OR10R2: variants seen among roughly 807,000 people sequenced by gnomAD.
OR10R2 encodes the protein olfactory receptor 10R2.
Under a neutral mutation model 2.4 loss-of-function variants are expected in OR10R2, and 1 was observed. The observed-to-expected ratio is 0.41, with a 90% CI of 0.15 to 1.95. The LOEUF is 1.95. Ranked by LOEUF, OR10R2 falls within the 30% of genes most tolerant of loss-of-function variation. The pLI is 0.30. For synonymous variants in OR10R2, 166 were observed against 144.8 expected (o/e 1.15, Z -1.05); for missense variants, 419 against 373.0 (o/e 1.12, Z -1.01).
At chr1:158,480,097 A>G (rs1334647166) in exon 2 of OR10R2, 1 of 1,613,860 alleles carries the variant, frequency 6.2e-7, no homozygotes, top group Admixed American at 1.7e-5. Flanking sequence ...CCTGGATAAA[A>G]GCCTCCACAC....
exon 2 of OR10R2, chr1:158,480,620 T>C: frequency 9.9e-6 from 16 of 1,613,842 alleles, no homozygotes; most frequent in Non-Finnish European, 1.3e-5. Flanking sequence ...ATCCTGAAGA[T>C]TCCCTCAGCT....
intron 1 of OR10R2, chr1:158,474,776 T>C (rs567701313): frequency 6.6e-5 from 10 of 152,338 alleles, no homozygotes; most frequent in Admixed American, 6.5e-4. Flanking sequence ...AGACTGGGTA[T>C]GCTTTATTTT....
At chr1:158,475,193 C>T (rs962148962) in intron 1 of OR10R2, among the ~76,000 whole-genome samples, 1 of 152,098 alleles carries the variant, frequency 6.6e-6, no homozygotes, top group Admixed American at 6.6e-5. Context: ...ACACAATAAT[C>T]CTGCCTTTCT....
intron 1 of OR10R2, among the ~76,000 whole-genome samples, chr1:158,479,713 G>A (rs1656343210): frequency 6.6e-6 from 1 of 152,006 alleles, no homozygotes; most frequent in Admixed American, 6.6e-5. Flanking sequence ...CTTAAAATTG[G>A]GAGAGAGAAT....
intron 1 of OR10R2, among the ~76,000 whole-genome samples, chr1:158,472,865 G>A (rs1230042136): frequency 1.3e-5 from 2 of 152,114 alleles, no homozygotes; most frequent in Non-Finnish European, 2.9e-5. Flanking sequence ...TCTTAAGAAG[G>A]AATGAAGGAA....
chr1:158,474,947 A>T (rs1330288748), intron 1 of OR10R2, among the ~76,000 whole-genome samples: 1 of 152,144 alleles, frequency 6.6e-6, no homozygotes, highest in Non-Finnish European at 1.5e-5. Context: ...GCAAAAAAAA[A>T]TTAATAATAG....
intron 1 of OR10R2, among the ~76,000 whole-genome samples, chr1:158,478,643 T>A (rs990954897): frequency 1.3e-5 from 2 of 152,162 alleles, no homozygotes; most frequent in African/African-American, 4.8e-5. Context: ...AGTTTATGTA[T>A]CAGAATTCAA....
chr1:158,480,658 T>G, exon 2 of OR10R2: 1 of 1,613,962 alleles, frequency 6.2e-7, no homozygotes, highest in African/African-American at 1.3e-5. Context: ...GTTTTCCACC[T>G]GCGCCTCTCA....
At chr1:158,474,938 C>CA (rs1048897465) in intron 1 of OR10R2, among the ~76,000 whole-genome samples, 7 of 150,018 alleles carry the variant, frequency 4.7e-5, no homozygotes, top group Admixed American at 1.3e-4. Context: ...AAGAGACCAG[C>CA]AAAAAAAAAT....
Position 158,480,680 on chromosome 1 carries a change from T to C in OR10R2, c.770T>C (p.Val257Ala), listed in dbSNP as rs762581513. The change falls in exon 2 of 2, where the codon GTT becomes GCT. Residue 257 changes from valine to alanine, a missense_variant. Physicochemically the swap from Val to Ala is moderately conservative, Grantham distance 64 (BLOSUM62 0). Transcript: ENST00000641067. ...ACCTGCGCCTCTCACCTCAGTGTTG[T>C]TATTGTTCATTATGGCTGTGCTTCC... The C allele has an allele frequency of 1.2e-6, 2 of 1,613,664 alleles. No individual in the cohort carries two copies. The highest frequency in any genetic ancestry group is 1.1e-5 in the South Asian group (1 of 91,036).
intron 1 of OR10R2, among the ~76,000 whole-genome samples, chr1:158,472,754 G>A (rs1296752603): frequency 6.6e-6 from 1 of 152,116 alleles, no homozygotes; most frequent in African/African-American, 2.4e-5. Context: ...AAAGTAGCTG[G>A]ATGGGCAGAT....
At chr1:158,476,796 C>T (rs1054045507) in intron 1 of OR10R2, among the ~76,000 whole-genome samples, 2 of 151,976 alleles carry the variant, frequency 1.3e-5, no homozygotes, top group Non-Finnish European at 2.9e-5. Flanking sequence ...AATGGTATCT[C>T]ATTGTGGTTT....
In OR10R2 at chr1:158,478,292, A is replaced by G. The variant is rs192030248; in HGVS notation, c.28-1646A>G. ...TCCCAAAAGCAATTGTAGCAAAAAC[A>G]AAAATTCATAAGTGGGAGCTAATTA... On this transcript the variant is annotated intron_variant, in intron 1 of 1. Transcript: ENST00000641067. Among the ~76,000 whole-genome samples the G allele has an allele frequency of 2.4e-3, 362 of 152,310 alleles. 1 individual carries two copies. The highest frequency in any genetic ancestry group is 8.2e-3 in the African/African-American group (340 of 41,578).
At chr1:158,479,608 C>T (rs1166727709) in intron 1 of OR10R2, among the ~76,000 whole-genome samples, 2 of 151,946 alleles carry the variant, frequency 1.3e-5, no homozygotes, top group African/African-American at 4.8e-5. Flanking sequence ...TATACAAGCT[C>T]AAGGAATTAA....
At chr1:158,480,420 T>C (rs767878949) in exon 2 of OR10R2, 3 of 1,613,948 alleles carry the variant, frequency 1.9e-6, no homozygotes, top group Admixed American at 3.3e-5. Context: ...CAGTAGTAAA[T>C]TTAGTTTTCA....
chr1:158,472,273 T>C (rs1361023508), exon 1 of OR10R2: 2 of 398,830 alleles, frequency 5.0e-6, no homozygotes, highest in Non-Finnish European at 8.8e-6. Context: ...AAAAAGCTCC[T>C]TAATTATACT....
chr1:158,480,700 GCTTC>G lies in OR10R2; in HGVS notation c.795_798del (p.Phe266SerfsTer3), dbSNP rs1226428745. On this transcript the variant is annotated frameshift_variant, in exon 2 of 2. Transcript: ENST00000641067. LOFTEE classifies it low-confidence loss of function (END_TRUNC). Reference sequence around the variant, plus strand: ...TGTTGTTATTGTTCATTATGGCTGTGCTTCCTTCATCTACCTGAGGCCTACAGCA... The same window carrying G: ...TGTTGTTATTGTTCATTATGGCTGTGCTTCATCTACCTGAGGCCTACAGCA... 6.2e-7 allele frequency: 1 copy of G among 1,613,330 alleles called. No individual in the cohort carries two copies. The highest frequency in any genetic ancestry group is 8.5e-7 in the Non-Finnish European group (1 of 1,179,574).
At chr1:158,473,449 T>A (rs1034095964) in intron 1 of OR10R2, among the ~76,000 whole-genome samples, 2 of 152,174 alleles carry the variant, frequency 1.3e-5, no homozygotes, top group Non-Finnish European at 2.9e-5. Context: ...AAATAATGTG[T>A]CTCAGATTTA....
chr1:158,480,641 G>A lies in OR10R2; in HGVS notation c.731G>A (p.Arg244Gln), dbSNP rs199742683. ...AAGATTCCCTCAGCTGAGGGCAGAC[G>A]GAAAGCGTTTTCCACCTGCGCCTCT... Residue 244 changes from arginine (R) to glutamine (Q), a missense_variant, in exon 2 of 2, where the codon CGG becomes CAG. By Grantham distance (43) the Arg-to-Gln change is conservative. Coordinates refer to ENST00000641067, the Ensembl canonical transcript of OR10R2. 203 of 1,613,792 alleles carry A rather than the reference G, an allele frequency of 1.3e-4. No homozygotes were observed. The highest frequency in any genetic ancestry group is 1.6e-4 in the Non-Finnish European group (186 of 1,179,920).
Sources: allele counts gnomAD v4.1 joint callset (sites outside exome capture counted in the v4.1 genomes callset), GRCh38; gene constraint gnomAD v4.1.1; transcripts MANE v1.5; gene names NCBI Gene and HGNC (gene_info 2026-07-23, HGNC 2026-07-21).